The following TM9SF3 variants were observed in gnomAD, a reference collection of about 807,000 sequenced individuals.
The protein encoded by TM9SF3 is SM-11044-binding protein.
Under a neutral mutation model 78.6 loss-of-function variants are expected in TM9SF3, and 14 were observed. That is an observed-to-expected ratio of 0.18 (90% CI 0.12 to 0.28). The LOEUF is 0.28. TM9SF3 is among the 10% of genes least tolerant of loss of function. The probability of loss-of-function intolerance (pLI) is 1.00; values close to 1 mark genes in which losing one functional copy is unlikely to be tolerated. For missense variants in TM9SF3, 496 were observed against 721.9 expected (o/e 0.69, Z 3.59); for synonymous variants, 231 against 241.7 (o/e 0.96, Z 0.41).
chr10:96,554,930 T>C (rs1490028634), intron 5 of TM9SF3, among the ~76,000 whole-genome samples: 2 of 152,196 alleles, frequency 1.3e-5, no homozygotes, highest in Non-Finnish European at 2.9e-5. Flanking sequence ...ATATTAAGCA[T>C]GTATTTTTCT....
chr10:96,536,335 A>C (rs1274912551), intron 9 of TM9SF3, among the ~76,000 whole-genome samples: 1 of 152,178 alleles, frequency 6.6e-6, no homozygotes, highest in Non-Finnish European at 1.5e-5. Context: ...AAAAAGAAAT[A>C]ACAGACATAC....
intron 5 of TM9SF3, among the ~76,000 whole-genome samples, chr10:96,555,188 C>T (rs1451517656): frequency 6.6e-6 from 1 of 152,144 alleles, no homozygotes; most frequent in South Asian, 2.1e-4. Context: ...CTCCAATATT[C>T]TATACTTCCT....
At chr10:96,575,963 C>G (rs1195578574) in intron 2 of TM9SF3, among the ~76,000 whole-genome samples, 1 of 152,128 alleles carries the variant, frequency 6.6e-6, no homozygotes, top group Non-Finnish European at 1.5e-5. Flanking sequence ...TGCATAATAA[C>G]TAGATACGAT....
At chr10:96,571,427 G>C (rs1462973752) in intron 2 of TM9SF3, among the ~76,000 whole-genome samples, 2 of 152,162 alleles carry the variant, frequency 1.3e-5, no homozygotes, top group African/African-American at 4.8e-5. Context: ...AGGAATAGCA[G>C]AAGCTAGGGA....
At chr10:96,571,215 G>A (rs937015992) in intron 2 of TM9SF3, among the ~76,000 whole-genome samples, 4 of 152,114 alleles carry the variant, frequency 2.6e-5, no homozygotes, top group African/African-American at 9.7e-5. Flanking sequence ...TCAAAAGCTA[G>A]GGGGACAGAT....
At chr10:96,575,013 G>C (rs956490355) in intron 2 of TM9SF3, among the ~76,000 whole-genome samples, 1 of 151,742 alleles carries the variant, frequency 6.6e-6, no homozygotes, top group Non-Finnish European at 1.5e-5. Flanking sequence ...CATGGCATGT[G>C]TATTCCTATG....
At chr10:96,574,770 G>A (rs747805711) in intron 2 of TM9SF3, among the ~76,000 whole-genome samples, 7 of 152,188 alleles carry the variant, frequency 4.6e-5, no homozygotes, top group Non-Finnish European at 8.8e-5. Context: ...AACATTCTTT[G>A]CAGGGACATG....
intron 9 of TM9SF3, among the ~76,000 whole-genome samples, chr10:96,536,949 C>T (rs1002085331): frequency 1.3e-5 from 2 of 152,222 alleles, no homozygotes; most frequent in African/African-American, 4.8e-5. Flanking sequence ...GCACAAACCG[C>T]ACACCCAGCT....
In TM9SF3 at chr10:96,544,117, T is replaced by C. The variant is rs763864099; in HGVS notation, c.1144A>G (p.Ile382Val). 6.2e-7 allele frequency: 1 copy of C among 1,613,228 alleles called. No individual in the cohort carries two copies. Among genetic ancestry groups the C allele is most frequent in the Non-Finnish European group, 8.5e-7 (1 of 1,179,640 alleles). The change falls in exon 9 of 15, where the codon ATT becomes GTT. Residue 382 changes from isoleucine to valine, a missense_variant. Transcript: ENST00000371142. ...ATGGCTCTTGAAGCATGGTAATAAA[T>C]GGCTATGAAATTGATGAAGAAGGCA... ...GTAFFINFIA[I>V]YYHASRAIPF...
intron 1 of TM9SF3, among the ~76,000 whole-genome samples, chr10:96,579,657 G>A (rs530955605): frequency 7.9e-5 from 12 of 152,182 alleles, no homozygotes; most frequent in Non-Finnish European, 1.5e-4. Flanking sequence ...CTGGGAAGAG[G>A]ACTGAAACAG....
intron 4 of TM9SF3, 134 bp downstream of exon 4, chr10:96,561,844 G>A (rs1848311758): frequency 2.6e-6 from 2 of 765,212 alleles, no homozygotes; most frequent in Non-Finnish European, 4.1e-6. Context: ...CGTACACTGA[G>A]AAAATATAGT....
chr10:96,581,095 GA>G (rs1018377096), intron 1 of TM9SF3, among the ~76,000 whole-genome samples: 1 of 151,894 alleles, frequency 6.6e-6, no homozygotes, highest in African/African-American at 2.4e-5. Flanking sequence ...CTGCCTGAAA[GA>G]AAAAAAACCT....
At chr10:96,564,970 C>T (rs987509146) in intron 3 of TM9SF3, among the ~76,000 whole-genome samples, 4 of 151,886 alleles carry the variant, frequency 2.6e-5, no homozygotes, top group African/African-American at 9.7e-5. Context: ...TCCTATTAGT[C>T]CCTTTAACTG....
intron 5 of TM9SF3, among the ~76,000 whole-genome samples, chr10:96,557,330 C>T (rs985946040): frequency 5.3e-5 from 8 of 152,134 alleles, no homozygotes; most frequent in Non-Finnish European, 1.2e-4. Flanking sequence ...GTGATGTCAG[C>T]TCCACTCAGA....
At chr10:96,525,477 T>A (rs1000964177) in intron 14 of TM9SF3, among the ~76,000 whole-genome samples, 1 of 152,004 alleles carries the variant, frequency 6.6e-6, no homozygotes, top group African/African-American at 2.4e-5. Flanking sequence ...ACATACATAG[T>A]GTATATGAAC....
At chr10:96,578,687 ACTC>A (rs1371542221) in intron 1 of TM9SF3, among the ~76,000 whole-genome samples, 5 of 152,198 alleles carry the variant, frequency 3.3e-5, no homozygotes, top group African/African-American at 1.2e-4. Flanking sequence ...CAACCAAGTT[ACTC>A]CTTTCTGCTG....
At chr10:96,522,490 C>T (rs1429071571) in intron 14 of TM9SF3, among the ~76,000 whole-genome samples, 160 bp from the exon 15 acceptor site, 1 of 151,844 alleles carries the variant, frequency 6.6e-6, no homozygotes, top group Non-Finnish European at 1.5e-5. Flanking sequence ...GTATCATTTG[C>T]TTTGCAAATC....
At chr10:96,537,767 G>A (rs927404921) in intron 9 of TM9SF3, among the ~76,000 whole-genome samples, 6 of 152,060 alleles carry the variant, frequency 3.9e-5, no homozygotes, top group Admixed American at 3.3e-4. Flanking sequence ...GGGAGATGGA[G>A]GAACAGAAAT....
intron 7 of TM9SF3, among the ~76,000 whole-genome samples, chr10:96,548,797 C>CAA (rs5787196): frequency 1.3e-3 from 76 of 58,068 alleles, no homozygotes; most frequent in African/African-American, 2.4e-3. Context: ...GACTCCATCT[C>CAA]AAAAAAAAAA....
Sources: gnomAD v4.1 joint callset for allele counts (sites outside exome capture counted in the v4.1 genomes callset) on GRCh38, gnomAD v4.1.1 for gene constraint, MANE v1.5 for transcripts, NCBI Gene and HGNC (gene_info 2026-07-23, HGNC 2026-07-21) for gene names.